Variants in GRM4 observed in about 807,000 individuals in gnomAD.
The protein encoded by GRM4 is glutamate metabotropic receptor 4, also known as metabotropic glutamate receptor 4.
GRM4 carries 28 observed loss-of-function variants against 81.7 expected under a neutral mutation model. The observed-to-expected ratio is 0.34, with a 90% confidence interval of 0.25 to 0.47. The LOEUF is 0.47. GRM4 is among the 20% of genes least tolerant of loss of function. The pLI, the probability that GRM4 is intolerant of heterozygous loss-of-function variation, is 1.00. For missense variants in GRM4, 948 were observed against 1,290.0 expected, an observed-to-expected ratio of 0.73 and a Z score of 4.06; for synonymous variants, 488 against 528.8, an observed-to-expected ratio of 0.92 and a Z score of 1.06.
chr6:34,094,207 A>G (rs148468951), intron 2 of GRM4, among the ~76,000 whole-genome samples: 1 of 152,316 alleles, frequency 6.6e-6, no homozygotes, highest in East Asian at 1.9e-4. Flanking sequence ...TGCTGCTCTG[A>G]AACAAAACAT....
At position 34,027,996 on chromosome 6, in the gene GRM4, C is replaced by T. The variant is rs1033325267; in HGVS notation, c.2689+124G>A. On this transcript the variant is annotated intron_variant, in intron 10 of 10. Coordinates refer to ENST00000538487, the MANE Select transcript of GRM4 (RefSeq NM_000841.4). ...GCCTCAGGGTTCCCCCAGTGTCCCC[C>T]GCCGCCTCCCCAGGATGGGGCATCG... is the stretch of plus-strand genomic sequence containing the variant. 3.5e-6 allele frequency: 4 copies of T among 1,131,570 alleles called. No homozygotes were observed. The East Asian group carries it at 7.7e-5, about 22-fold the overall frequency. The allele number at this position is 1,131,570 out of a possible 1,614,324, so 70.1% of individuals were successfully genotyped here.
At chr6:34,105,727 G>A (rs909561093) in intron 2 of GRM4, among the ~76,000 whole-genome samples, 9 of 152,124 alleles carry the variant, frequency 5.9e-5, no homozygotes, top group Non-Finnish European at 8.8e-5. Context: ...CTGCTCCCCT[G>A]GGCTATCCAA....
intron 6 of GRM4, among the ~76,000 whole-genome samples, chr6:34,044,077 G>GAC (rs139572683): frequency 0.08 from 11,631 of 144,498 alleles, 1,015 homozygotes; most frequent in African/African-American, 0.22. Context: ...TATATACACA[G>GAC]ACACACACAC....
intron 6 of GRM4, among the ~76,000 whole-genome samples, chr6:34,053,653 G>C (rs1310563862): frequency 6.6e-6 from 1 of 152,198 alleles, no homozygotes; most frequent in Non-Finnish European, 1.5e-5. Context: ...ATTTAGGAGG[G>C]GCGTCACCCA....
At chr6:34,041,392 C>A (rs755508458) in intron 6 of GRM4, among the ~76,000 whole-genome samples, 4 of 152,202 alleles carry the variant, frequency 2.6e-5, no homozygotes, top group Non-Finnish European at 5.9e-5. Context: ...TCTTGTCCCC[C>A]AGTGGCAAGG....
chr6:34,075,883 T>C (rs924590124), intron 3 of GRM4, among the ~76,000 whole-genome samples: 21 of 152,232 alleles, frequency 1.4e-4, no homozygotes, highest in African/African-American at 3.9e-4. Flanking sequence ...CAACCGACGA[T>C]AGCGGAAATG....
At chr6:34,096,054 T>C (rs1421289955) in intron 2 of GRM4, among the ~76,000 whole-genome samples, 1 of 152,156 alleles carries the variant, frequency 6.6e-6, no homozygotes, top group Non-Finnish European at 1.5e-5. Flanking sequence ...AGGGAGGGAA[T>C]GGTGCCCGCC....
upstream of GRM4, among the ~76,000 whole-genome samples, chr6:34,150,452 A>T (rs1025253328): frequency 1.3e-5 from 2 of 152,132 alleles, no homozygotes; most frequent in Admixed American, 1.3e-4. Context: ...CATGGAGGTC[A>T]AGGCAGCTGG....
intron 2 of GRM4, among the ~76,000 whole-genome samples, chr6:34,112,825 C>T (rs921485776): frequency 6.6e-6 from 1 of 152,192 alleles, no homozygotes; most frequent in Non-Finnish European, 1.5e-5. Flanking sequence ...CTGCACCTCT[C>T]GGCCAGGGAT....
At chr6:34,123,262 A>T (rs1394991928) in intron 2 of GRM4, among the ~76,000 whole-genome samples, 1 of 152,030 alleles carries the variant, frequency 6.6e-6, no homozygotes, top group Non-Finnish European at 1.5e-5. Context: ...GGGCCAGAGG[A>T]CCCCAGGTCA....
intron 3 of GRM4, 181 bp downstream of exon 3, chr6:34,091,702 C>T: frequency 3.3e-6 from 2 of 599,900 alleles, no homozygotes; most frequent in Non-Finnish European, 6.0e-6. Flanking sequence ...CGGAGTCACC[C>T]AGAGCCCAGT....
intron 9 of GRM4, among the ~76,000 whole-genome samples, chr6:34,033,063 G>A (rs532500180): frequency 7.2e-5 from 11 of 152,250 alleles, no homozygotes; most frequent in South Asian, 6.2e-4. Context: ...ATTGAGAGGC[G>A]TGAGGGCCTC....
intron 6 of GRM4, among the ~76,000 whole-genome samples, chr6:34,053,960 T>A (rs1011314900): frequency 2.0e-5 from 3 of 152,148 alleles, no homozygotes; most frequent in African/African-American, 7.2e-5. Flanking sequence ...GGTATGGTGT[T>A]AAAAGCTCCC....
chr6:34,134,271 C>T (rs1300581716), intron 1 of GRM4, among the ~76,000 whole-genome samples: 1 of 152,156 alleles, frequency 6.6e-6, no homozygotes, highest in South Asian at 2.1e-4. Context: ...GAGCATTTTG[C>T]CTGAGTCACG....
intron 3 of GRM4, among the ~76,000 whole-genome samples, chr6:34,086,191 G>C (rs1767879769): frequency 6.6e-6 from 1 of 152,200 alleles, no homozygotes; most frequent in Non-Finnish European, 1.5e-5. Context: ...TTACAGCCAG[G>C]GACGCCACAT....
Position 34,111,982 on chromosome 6 carries a change from G to T in GRM4, c.520-19883C>A, listed in dbSNP as rs1397079199. ...TGCCTGGAGATTCTGAAATGGGGAGGTCTCCTCACTCACCCCAAGTTGCAC... is the reference window on the plus strand; with the variant it reads ...TGCCTGGAGATTCTGAAATGGGGAGTTCTCCTCACTCACCCCAAGTTGCAC... On this transcript the variant is annotated intron_variant, in intron 2 of 10. Coordinates refer to ENST00000538487, the MANE Select transcript of GRM4 (RefSeq NM_000841.4). The surrounding 1 kb of genome is among the most constrained non-coding windows in gnomAD (Gnocchi z 5.1). 6.6e-6 allele frequency among the ~76,000 whole-genome samples: 1 copy of T among 152,140 alleles called. No homozygotes were observed. The highest frequency in any genetic ancestry group is 1.5e-5 in the Non-Finnish European group (1 of 68,026).
intron 2 of GRM4, among the ~76,000 whole-genome samples, chr6:34,095,531 G>A (rs570995236): frequency 6.6e-6 from 1 of 152,336 alleles, no homozygotes; most frequent in South Asian, 2.1e-4. Flanking sequence ...TCCTAAGGCT[G>A]TGAGGGTCAC....
intron 3 of GRM4, among the ~76,000 whole-genome samples, chr6:34,081,272 C>T (rs980905873): frequency 2.0e-5 from 3 of 152,238 alleles, no homozygotes; most frequent in African/African-American, 7.2e-5. Context: ...GGACAATGCT[C>T]AGGACTTCTG....
Position 34,022,941 on chromosome 6 carries a change from C to T in GRM4, c.2690-71G>A, listed in dbSNP as rs1329912536. On this transcript the variant is annotated intron_variant, in intron 10 of 10. Coordinates refer to ENST00000538487, the MANE Select transcript of GRM4 (RefSeq NM_000841.4). This position sits in a 1 kb window ranked among gnomAD's most constrained non-coding sequence, Gnocchi z 5.6. Reference sequence around the variant, plus strand: ...TTCTCAAACTGTCCTTCCACATGGGCACAGCCCTGCACAAGAACCTACCAT... The same window carrying T: ...TTCTCAAACTGTCCTTCCACATGGGTACAGCCCTGCACAAGAACCTACCAT... The T allele has an allele frequency of 5.2e-6, 6 of 1,153,660 alleles. No homozygotes were observed. In the African/African-American group the frequency reaches 6.0e-5, roughly 12 times the overall value. 71.5% of individuals were successfully genotyped at this position (1,153,660 alleles called of 1,614,324 possible).
Sources: allele counts gnomAD v4.1 joint callset (sites outside exome capture counted in the v4.1 genomes callset), GRCh38; gene constraint gnomAD v4.1.1; non-coding constraint Gnocchi (gnomAD v3.1); transcripts MANE v1.5; gene names NCBI Gene and HGNC (gene_info 2026-07-23, HGNC 2026-07-21).